Variants in CDH12 observed in about 807,000 individuals in gnomAD.
CDH12 encodes cadherin 12, also known as cadherin-12.
In CDH12, 41 loss-of-function variants were observed where a neutral mutation model predicts 74.1. That is an observed-to-expected ratio of 0.55 (90% CI 0.43 to 0.72). The LOEUF is 0.72. Among genes scored for constraint, CDH12 ranks in the 30% least tolerant of loss-of-function variants. CDH12 has a pLI of 0.00. For synonymous variants in CDH12, 399 were observed against 355.0 expected (o/e 1.12, Z -1.39); for missense variants, 945 against 977.2 (o/e 0.97, Z 0.44).
chr5:22,154,940 G>T (rs1383714027), intron 4 of CDH12, among the ~76,000 whole-genome samples: 4 of 152,050 alleles, frequency 2.6e-5, no homozygotes, highest in Non-Finnish European at 5.9e-5. Flanking sequence ...TTGGCTCAAA[G>T]GCCCCTCAGA....
At chr5:22,534,096 G>A (rs1737715871) in intron 1 of CDH12, among the ~76,000 whole-genome samples, 1 of 152,104 alleles carries the variant, frequency 6.6e-6, no homozygotes. Flanking sequence ...GTGCTCTTAT[G>A]TTAAGAAAAA....
chr5:22,199,373 G>A (rs1750796028), intron 4 of CDH12, among the ~76,000 whole-genome samples: 1 of 152,170 alleles, frequency 6.6e-6, no homozygotes, highest in African/African-American at 2.4e-5. Context: ...CGTGAGGGTG[G>A]GAGATGGCTG....
At chr5:22,064,855 T>A (rs1409607637) in intron 5 of CDH12, among the ~76,000 whole-genome samples, 1 of 152,052 alleles carries the variant, frequency 6.6e-6, no homozygotes, top group African/African-American at 2.4e-5. Flanking sequence ...AGACGTGAGA[T>A]TGTTGGGAAA....
At chr5:22,248,303 A>C (rs1580445870) in intron 3 of CDH12, among the ~76,000 whole-genome samples, 1 of 151,702 alleles carries the variant, frequency 6.6e-6, no homozygotes, top group South Asian at 2.1e-4. Flanking sequence ...TCCATCTCAA[A>C]ATAATAATAA....
intron 2 of CDH12, among the ~76,000 whole-genome samples, chr5:22,488,953 G>A (rs1746725095): frequency 6.7e-6 from 1 of 148,788 alleles, no homozygotes; most frequent in Non-Finnish European, 1.5e-5. Flanking sequence ...ATGCTTGCAT[G>A]TCTTAAATTA....
chr5:22,764,618 G>A (rs1040543819), intron 1 of CDH12, among the ~76,000 whole-genome samples: 1 of 151,960 alleles, frequency 6.6e-6, no homozygotes, highest in Non-Finnish European at 1.5e-5. Context: ...TCTCTATAGT[G>A]AAAATGTTAA....
At chr5:22,777,191 A>T (rs371015820) in intron 1 of CDH12, among the ~76,000 whole-genome samples, 3 of 152,126 alleles carry the variant, frequency 2.0e-5, no homozygotes, top group South Asian at 4.1e-4. Flanking sequence ...AAAGAGGAAA[A>T]ATCTTCCAAA....
At chr5:22,428,849 C>T (rs1336990776) in intron 2 of CDH12, among the ~76,000 whole-genome samples, 1 of 152,114 alleles carries the variant, frequency 6.6e-6, no homozygotes, top group African/African-American at 2.4e-5. Context: ...ACTGGGAGAA[C>T]AGCCTGCCTT....
chr5:22,474,971 T>C (rs1746108899), intron 2 of CDH12, among the ~76,000 whole-genome samples: 1 of 151,736 alleles, frequency 6.6e-6, no homozygotes, highest in South Asian at 2.1e-4. Flanking sequence ...AGCTCTGAAG[T>C]CCAGGTTAGA....
chr5:22,387,400 C>T (rs1360681731), intron 3 of CDH12, among the ~76,000 whole-genome samples: 1 of 151,990 alleles, frequency 6.6e-6, no homozygotes, highest in Non-Finnish European at 1.5e-5. Flanking sequence ...CTCCAAAACC[C>T]TTTCTTGATT....
In CDH12 at chr5:21,802,593, C is replaced by CTTTTTTT. The variant is rs35742047; in HGVS notation, c.1003-180_1003-174dup. 5.2e-4 allele frequency among the ~76,000 whole-genome samples: 62 copies of CTTTTTTT among 120,198 alleles called. 2 individuals are homozygous for CTTTTTTT. The highest frequency in any genetic ancestry group is 1.3e-3 in the African/African-American group (42 of 32,326). 78.9% of individuals were successfully genotyped at this position (120,198 alleles called of 152,430 possible). On this transcript the variant is annotated intron_variant, in intron 9 of 14. Coordinates refer to ENST00000382254, the MANE Select transcript of CDH12 (RefSeq NM_004061.5). The stretch of plus-strand genomic sequence containing the variant: ...AGCACAAGGCAAACCATTTTTTTTT[C>CTTTTTTT]TTTTTTTTTTTTTTTTGAGACAGAG...
At chr5:22,071,617 G>T (rs190871421) in intron 5 of CDH12, among the ~76,000 whole-genome samples, 53 of 151,856 alleles carry the variant, frequency 3.5e-4, no homozygotes, top group East Asian at 3.1e-3. Flanking sequence ...AAAAATCAGG[G>T]TTCTCTTAAA....
At chr5:21,782,851 C>A (rs1745988628) in intron 11 of CDH12, among the ~76,000 whole-genome samples, 1 of 152,098 alleles carries the variant, frequency 6.6e-6, no homozygotes, top group Admixed American at 6.5e-5. Context: ...TGAGCCACTC[C>A]TTGAAGAACT....
intron 1 of CDH12, among the ~76,000 whole-genome samples, chr5:22,611,803 T>C (rs1239547955): frequency 6.6e-6 from 1 of 152,072 alleles, no homozygotes; most frequent in Admixed American, 6.5e-5. Flanking sequence ...TTGGTTTAGC[T>C]CAGCCTTCAA....
intron 4 of CDH12, among the ~76,000 whole-genome samples, chr5:22,164,259 G>A (rs1442938483): frequency 6.6e-6 from 1 of 152,190 alleles, no homozygotes; most frequent in Non-Finnish European, 1.5e-5. Context: ...GGGCCATGCA[G>A]TGAGTGTTAT....
At chr5:21,962,521 TATC>T (rs1756405065) in intron 6 of CDH12, among the ~76,000 whole-genome samples, 1 of 152,176 alleles carries the variant, frequency 6.6e-6, no homozygotes, top group African/African-American at 2.4e-5. Flanking sequence ...CCTGGGTCAT[TATC>T]ATGTATGTTC....
chr5:22,231,239 A>T (rs1752371348), intron 3 of CDH12, among the ~76,000 whole-genome samples: 1 of 152,196 alleles, frequency 6.6e-6, no homozygotes, highest in African/African-American at 2.4e-5. Flanking sequence ...AATAGGGATT[A>T]TAACTTATAA....
At chr5:22,497,230 T>C (rs144186584) in intron 2 of CDH12, among the ~76,000 whole-genome samples, 1 of 152,306 alleles carries the variant, frequency 6.6e-6, no homozygotes, top group East Asian at 1.9e-4. Context: ...CCCCTGAATT[T>C]TGTATGAATA....
intron 5 of CDH12, among the ~76,000 whole-genome samples, chr5:22,043,185 C>T (rs997108842): frequency 1.3e-5 from 2 of 151,908 alleles, no homozygotes; most frequent in Non-Finnish European, 2.9e-5. Context: ...AGTACATATG[C>T]AAAAATCCTC....
Sources: allele counts gnomAD v4.1 joint callset (sites outside exome capture counted in the v4.1 genomes callset), GRCh38; gene constraint gnomAD v4.1.1; transcripts MANE v1.5; gene names NCBI Gene and HGNC (gene_info 2026-07-23, HGNC 2026-07-21).